The following TASP1 variants were observed in gnomAD, a reference collection of about 807,000 sequenced individuals.
The protein encoded by TASP1 is threonine aspartase 1.
Under a neutral mutation model 56.6 loss-of-function variants are expected in TASP1, and 16 were observed. The ratio of observed to expected loss-of-function variants is 0.28; its 90% CI spans 0.19 to 0.43. The LOEUF is 0.43. TASP1 is among the 20% of genes least tolerant of loss of function. The pLI is 1.00. For synonymous variants in TASP1, 179 were observed against 184.2 expected (o/e 0.97, Z 0.23); for missense variants, 393 against 511.6 (o/e 0.77, Z 2.24).
chr20:13,541,515 C>T (rs992847502), intron 8 of TASP1, among the ~76,000 whole-genome samples: 1 of 152,100 alleles, frequency 6.6e-6, no homozygotes, highest in Non-Finnish European at 1.5e-5. Context: ...CACAAGCACA[C>T]CTAATCTCCC....
chr20:13,495,508 C>T (rs1236152595), intron 10 of TASP1, among the ~76,000 whole-genome samples: 1 of 152,068 alleles, frequency 6.6e-6, no homozygotes, highest in East Asian at 1.9e-4. Flanking sequence ...TTCTCTACAT[C>T]TGGGTAGAAT....
At chr20:13,513,597 G>A (rs555039515) in intron 10 of TASP1, among the ~76,000 whole-genome samples, 1 of 152,234 alleles carries the variant, frequency 6.6e-6, no homozygotes, top group South Asian at 2.1e-4. Context: ...TGTTTACATT[G>A]CAATTATAGC....
the TASP1 span, among the ~76,000 whole-genome samples, chr20:13,290,465 C>G: frequency 1.3e-5 from 2 of 152,094 alleles, no homozygotes; most frequent in East Asian, 3.9e-4. Flanking sequence ...CTGGCTAACA[C>G]GGTGAAATGC....
At chr20:13,268,802 C>T in the TASP1 span, among the ~76,000 whole-genome samples, 1 of 152,158 alleles carries the variant, frequency 6.6e-6, no homozygotes. Flanking sequence ...GTAATCTCAG[C>T]TACTTGGGAG....
At chr20:13,235,242 T>C in the TASP1 span, among the ~76,000 whole-genome samples, 1 of 152,222 alleles carries the variant, frequency 6.6e-6, no homozygotes, top group African/African-American at 2.4e-5. Context: ...ACCAGCAGGT[T>C]ACCTGCCACA....
the TASP1 span, chr20:13,239,306 A>G: frequency 6.6e-6 from 1 of 152,186 alleles, no homozygotes; most frequent in Non-Finnish European, 1.5e-5. Context: ...ATGCCCCACA[A>G]TGGTTCTTTC....
the TASP1 span, among the ~76,000 whole-genome samples, chr20:13,380,694 G>C: frequency 6.6e-6 from 1 of 152,158 alleles, no homozygotes; most frequent in African/African-American, 2.4e-5. Context: ...CTTCTCCCAG[G>C]TGCTCTGTCC....
At chr20:13,519,059 A>C (rs1045583391) in intron 10 of TASP1, among the ~76,000 whole-genome samples, 1 of 152,164 alleles carries the variant, frequency 6.6e-6, no homozygotes, top group Non-Finnish European at 1.5e-5. Flanking sequence ...CATTATCCTA[A>C]GCAAATTAAT....
Position 13,580,987 on chromosome 20 carries a change from A to G in TASP1, c.404-6T>C, listed in dbSNP as rs773953645. 30 of 1,350,926 alleles carry G rather than the reference A, an allele frequency of 2.2e-5. No individual in the cohort carries two copies. The African/African-American group carries it at 5.0e-4, about 23-fold the overall frequency. 83.7% of individuals were successfully genotyped at this position (1,350,926 alleles called of 1,614,324 possible). On this transcript the variant is annotated splice_region_variant and splice_polypyrimidine_tract_variant and intron_variant, in intron 5 of 13. Transcript: ENST00000337743. ...CGAGACTGGGTTCTTGATTCCTATA[A>G]AAAAAAAAAAAAAATTGGCAAAAAA...
At chr20:13,252,721 A>T in the TASP1 span, among the ~76,000 whole-genome samples, 193 of 151,724 alleles carry the variant, frequency 1.3e-3, 2 homozygotes, top group Non-Finnish European at 5.0e-4. Flanking sequence ...CACCACTTGC[A>T]CTCCAGCTTG....
chr20:13,636,841 C>A (rs2049329233), intron 1 of TASP1, among the ~76,000 whole-genome samples: 2 of 152,078 alleles, frequency 1.3e-5, no homozygotes, highest in South Asian at 4.1e-4. Flanking sequence ...AAACTGAACT[C>A]CTACCTCACA....
chr20:13,117,005 T>G, the TASP1 span, among the ~76,000 whole-genome samples: 1 of 152,236 alleles, frequency 6.6e-6, no homozygotes, highest in Non-Finnish European at 1.5e-5. Flanking sequence ...CTATTTTACT[T>G]TAATTAACAC....
chr20:13,428,248 A>C (rs1600759125), intron 12 of TASP1, among the ~76,000 whole-genome samples: 2 of 152,170 alleles, frequency 1.3e-5, no homozygotes, highest in East Asian at 3.8e-4. Flanking sequence ...GTTTTGGTAC[A>C]AGGTGCAAAA....
In TASP1 at chr20:13,587,788, A is replaced by G. The variant is rs535569212; in HGVS notation, c.283-418T>C. ...TCCAACACCCTTTCATGAGAAAAACAGAAAACTAGATAAGGGAACTTCTTA... is the reference window on the plus strand; with the variant it reads ...TCCAACACCCTTTCATGAGAAAAACGGAAAACTAGATAAGGGAACTTCTTA... On this transcript the variant is annotated intron_variant, in intron 4 of 13. Coordinates refer to ENST00000337743, the MANE Select transcript of TASP1 (RefSeq NM_017714.3). Among the ~76,000 whole-genome samples, 7 of 152,100 alleles carry G rather than the reference A, an allele frequency of 4.6e-5. No individual in the cohort carries two copies. In the East Asian group the frequency reaches 1.4e-3, roughly 29 times the overall value.
chr20:13,253,213 G>T, the TASP1 span, among the ~76,000 whole-genome samples: 8 of 152,154 alleles, frequency 5.3e-5, no homozygotes, highest in Non-Finnish European at 1.2e-4. Flanking sequence ...CAGGGTTTTT[G>T]ATCTTCTCAC....
chr20:13,138,451 G>A, the TASP1 span, among the ~76,000 whole-genome samples: 2 of 151,990 alleles, frequency 1.3e-5, no homozygotes, highest in Non-Finnish European at 2.9e-5. Flanking sequence ...AGTCCCTTGC[G>A]GTTTTTACTT....
the TASP1 span, among the ~76,000 whole-genome samples, chr20:13,246,322 C>T: frequency 6.6e-6 from 1 of 151,778 alleles, no homozygotes; most frequent in Non-Finnish European, 1.5e-5. Flanking sequence ...GAAATGGGCC[C>T]ACTTCTGAAC....
chr20:13,437,274 T>C (rs1427057237), intron 11 of TASP1, among the ~76,000 whole-genome samples: 2 of 152,094 alleles, frequency 1.3e-5, no homozygotes, highest in Non-Finnish European at 2.9e-5. Flanking sequence ...ATTATCTCAA[T>C]AGATGCAGAA....
the TASP1 span, among the ~76,000 whole-genome samples, chr20:13,108,609 C>T: frequency 6.6e-6 from 1 of 152,246 alleles, no homozygotes; most frequent in Admixed American, 6.5e-5. Context: ...GAGTCTCGTT[C>T]TGTCACCCAG....
Sources: allele counts gnomAD v4.1 joint callset (sites outside exome capture counted in the v4.1 genomes callset), GRCh38; gene constraint gnomAD v4.1.1; transcripts MANE v1.5; gene names NCBI Gene and HGNC (gene_info 2026-07-23, HGNC 2026-07-21).